The following ETS1 variants were observed in gnomAD, a reference collection of about 807,000 sequenced individuals.
ETS1 encodes protein C-ets-1.
ETS1 carries 15 observed loss-of-function variants against 58.6 expected under a neutral mutation model. The ratio of observed to expected loss-of-function variants is 0.26; its 90% confidence interval spans 0.17 to 0.39. The LOEUF (loss-of-function observed/expected upper bound fraction) is 0.39. ETS1 is among the 10% of genes least tolerant of loss of function. ETS1 has a pLI of 1.00. For synonymous variants in ETS1, 214 were observed against 218.2 expected (o/e 0.98, Z 0.17); for missense variants, 417 against 610.5 (o/e 0.68, Z 3.34).
At chr11:128,531,347 A>G (rs763408318) in intron 3 of ETS1, among the ~76,000 whole-genome samples, 15 of 152,242 alleles carry the variant, frequency 9.9e-5, no homozygotes, top group Non-Finnish European at 1.8e-4. Flanking sequence ...TGCACTGTGC[A>G]TGATGCAGAA....
At chr11:128,557,413 T>C (rs545352714) in intron 2 of ETS1, among the ~76,000 whole-genome samples, 65 of 152,228 alleles carry the variant, frequency 4.3e-4, no homozygotes, top group Non-Finnish European at 7.5e-4. Flanking sequence ...GAGAAAATTG[T>C]ATATAAAGCA....
chr11:128,571,499 G>A (rs549337028), intron 2 of ETS1, among the ~76,000 whole-genome samples: 5 of 64,402 alleles, frequency 7.8e-5, no homozygotes, highest in East Asian at 5.7e-4. Context: ...GCAAGACTCC[G>A]TCAAAAAAAA....
intron 2 of ETS1, among the ~76,000 whole-genome samples, chr11:128,565,354 C>T (rs146471308): frequency 1.2e-3 from 176 of 152,312 alleles, no homozygotes; most frequent in Middle Eastern, 3.4e-3. Context: ...ACAGAGACTG[C>T]CAATGCCTTG....
At chr11:128,559,482 A>G (rs1864370487) in intron 2 of ETS1, among the ~76,000 whole-genome samples, 1 of 152,220 alleles carries the variant, frequency 6.6e-6, no homozygotes, top group African/African-American at 2.4e-5. Context: ...CTCTTGGTCA[A>G]CACGTTTTTT....
rs1488885794 is a variant in ETS1, at chr11:128,458,943, A to G, written c.*3418T>C. 6.6e-6 allele frequency: 1 copy of G among 152,650 alleles called. No individual in the cohort carries two copies. Among genetic ancestry groups the G allele is most frequent in the African/African-American group, 2.4e-5 (1 of 41,420 alleles). 9.5% of individuals were successfully genotyped at this position (152,650 alleles called of 1,614,324 possible). A position where few individuals can be genotyped will look rare whatever the true frequency, so the allele number is the denominator to read the frequency against. On this transcript the variant is annotated 3_prime_UTR_variant, in exon 10 of 10. Coordinates refer to ENST00000392668, the MANE Select transcript of ETS1 (RefSeq NM_001143820.2). The surrounding 1 kb of genome is among the most constrained non-coding windows in gnomAD (Gnocchi z 4.3). ...CATTTTTTTTTAAAAAAACATCGAC[A>G]CTTACATCGCTACATCTCTAAGCTA...
At chr11:128,568,462 A>G (rs1011044546) in intron 2 of ETS1, among the ~76,000 whole-genome samples, 5 of 152,152 alleles carry the variant, frequency 3.3e-5, no homozygotes, top group African/African-American at 1.2e-4. Context: ...CTTCCTCCCC[A>G]TGGATGAAAG....
intron 8 of ETS1, among the ~76,000 whole-genome samples, chr11:128,478,881 C>A (rs554456990): frequency 6.6e-6 from 1 of 152,278 alleles, no homozygotes; most frequent in East Asian, 1.9e-4. Flanking sequence ...GTACTAAGTT[C>A]CTACATGCTA....
intron 3 of ETS1, among the ~76,000 whole-genome samples, chr11:128,525,517 T>A (rs1264790598): frequency 1.3e-5 from 2 of 151,372 alleles, no homozygotes; most frequent in South Asian, 4.2e-4. Flanking sequence ...TAAAATATGC[T>A]TTACTGAAGG....
intron 2 of ETS1, among the ~76,000 whole-genome samples, chr11:128,563,623 C>T (rs1183211209): frequency 6.6e-6 from 1 of 152,220 alleles, no homozygotes; most frequent in Non-Finnish European, 1.5e-5. Flanking sequence ...ATTGGATAAA[C>T]AGCCACACCA....
At chr11:128,576,844 G>T (rs953103448) in intron 1 of ETS1, among the ~76,000 whole-genome samples, 1 of 152,114 alleles carries the variant, frequency 6.6e-6, no homozygotes, top group Non-Finnish European at 1.5e-5. Context: ...CCACCCTCAA[G>T]ATGAGTGAAC....
At position 128,462,570 on chromosome 11, in the gene ETS1, T is replaced by C; in HGVS notation, c.1249A>G (p.Arg417Gly). ...TTGTTTTTCCTCTTTCCCCATCTCC[T>C]GGCCACCTGAAATTTAAAAAGAAAA... is the stretch of plus-strand genomic sequence containing the variant. ...FKLSDPDEVA[R>G]RWGKRKNKPK... The change falls in exon 10 of 10, where the codon AGG (arginine) becomes GGG (glycine). Residue 417 changes from arginine (R) to glycine (G), a missense_variant. Coordinates refer to ENST00000392668, the MANE Select transcript of ETS1 (RefSeq NM_001143820.2). 2 of 1,613,222 alleles carry C rather than the reference T, an allele frequency of 1.2e-6. No homozygotes were observed. The highest frequency in any genetic ancestry group is 8.5e-7 in the Non-Finnish European group (1 of 1,179,320).
chr11:128,528,808 C>A (rs77375867), intron 3 of ETS1, among the ~76,000 whole-genome samples: 15 of 152,152 alleles, frequency 9.9e-5, no homozygotes, highest in Admixed American at 5.9e-4. Flanking sequence ...AAAAGGTCTT[C>A]GTAAAGTTTT....
intron 3 of ETS1, among the ~76,000 whole-genome samples, chr11:128,533,418 A>C (rs1420589420): frequency 2.6e-5 from 4 of 152,154 alleles, no homozygotes; most frequent in Non-Finnish European, 4.4e-5. Flanking sequence ...ACTCCCTTAG[A>C]TACTCCTCAC....
chr11:128,490,612 A>T (rs1031649382), intron 3 of ETS1, 36 bp from the exon 4 acceptor site: 6 of 1,562,950 alleles, frequency 3.8e-6, no homozygotes, highest in Non-Finnish European at 5.3e-6. Flanking sequence ...AACAAAAATT[A>T]CATAGGTAAT....
chr11:128,521,931 C>T, intron 3 of ETS1: 1 of 1,605,998 alleles, frequency 6.2e-7, no homozygotes, highest in Non-Finnish European at 8.5e-7. Context: ...GGGAAAAGCT[C>T]CAGATCGACT....
At chr11:128,571,243 T>C (rs1379475468) in intron 2 of ETS1, among the ~76,000 whole-genome samples, 3 of 151,732 alleles carry the variant, frequency 2.0e-5, no homozygotes, top group African/African-American at 7.3e-5. Flanking sequence ...GGTGAAACCC[T>C]GTCTCTACTA....
At chr11:128,493,171 C>A (rs1280605035) in intron 3 of ETS1, among the ~76,000 whole-genome samples, 1 of 152,188 alleles carries the variant, frequency 6.6e-6, no homozygotes, top group Non-Finnish European at 1.5e-5. Context: ...GACTAGGAGG[C>A]CCCCAGAATC....
At chr11:128,522,128 C>G (rs1245786098) in intron 3 of ETS1, 1 of 1,319,534 alleles carries the variant, frequency 7.6e-7, no homozygotes, top group Non-Finnish European at 9.7e-7. Context: ...CTCAAATTCC[C>G]GCTGCCTTTC....
chr11:128,469,951 C>T (rs905694462), intron 8 of ETS1, among the ~76,000 whole-genome samples: 2 of 152,196 alleles, frequency 1.3e-5, no homozygotes, highest in Non-Finnish European at 2.9e-5. Context: ...ATTCTATAAA[C>T]GTGTTCCTGT....
Sources: allele counts gnomAD v4.1 joint callset (sites outside exome capture counted in the v4.1 genomes callset), GRCh38; gene constraint gnomAD v4.1.1; non-coding constraint Gnocchi (gnomAD v3.1); transcripts MANE v1.5; gene names NCBI Gene and HGNC (gene_info 2026-07-23, HGNC 2026-07-21).